The following AKAP19 variants were observed in gnomAD, a reference collection of about 807,000 sequenced individuals.
AKAP19 encodes small A-kinase anchoring protein.
chr2:190,189,512 TAATA>T, the AKAP19 span, among the ~76,000 whole-genome samples: 1 of 152,208 alleles, frequency 6.6e-6, no homozygotes, highest in African/African-American at 2.4e-5. Context: ...TTTCTATCCT[TAATA>T]GATACGGCTA....
the AKAP19 span, among the ~76,000 whole-genome samples, chr2:190,037,951 A>G: frequency 6.6e-6 from 1 of 152,182 alleles, no homozygotes; most frequent in African/African-American, 2.4e-5. Flanking sequence ...ACCCATATGA[A>G]GTATGTAAAG....
chr2:189,931,546 TGTGGTGA>T, the AKAP19 span, among the ~76,000 whole-genome samples: 1 of 152,076 alleles, frequency 6.6e-6, no homozygotes, highest in African/African-American at 2.4e-5. Context: ...TTTTTTTGTG[TGTGGTGA>T]CAGGGTCTCG....
the AKAP19 span, among the ~76,000 whole-genome samples, chr2:190,017,305 C>A: frequency 2.0e-5 from 3 of 152,042 alleles, no homozygotes; most frequent in African/African-American, 7.2e-5. Context: ...TGGCATACTA[C>A]TGCTATTTTG....
chr2:190,111,690 G>C, the AKAP19 span, among the ~76,000 whole-genome samples: 1 of 151,610 alleles, frequency 6.6e-6, no homozygotes, highest in Admixed American at 6.6e-5. Context: ...GAGAAAGAAA[G>C]AGAGAGATGT....
the AKAP19 span, among the ~76,000 whole-genome samples, chr2:190,025,080 A>G: frequency 6.6e-6 from 1 of 152,188 alleles, no homozygotes; most frequent in East Asian, 1.9e-4. Flanking sequence ...CACATTGATC[A>G]CTAAGATTTA....
chr2:190,146,804 A>G, the AKAP19 span, among the ~76,000 whole-genome samples: 1 of 152,124 alleles, frequency 6.6e-6, no homozygotes, highest in African/African-American at 2.4e-5. Context: ...TCTTCTTTTG[A>G]GAATTGTCTT....
At chr2:190,140,830 T>C in the AKAP19 span, among the ~76,000 whole-genome samples, 1 of 152,204 alleles carries the variant, frequency 6.6e-6, no homozygotes, top group African/African-American at 2.4e-5. Flanking sequence ...CGGGCTTAAA[T>C]TTCTGCCCAG....
the AKAP19 span, among the ~76,000 whole-genome samples, chr2:190,058,518 T>C: frequency 2.0e-5 from 3 of 151,944 alleles, no homozygotes; most frequent in African/African-American, 7.2e-5. Context: ...AACTAGATCA[T>C]TTAGAAAATT....
chr2:190,031,214 T>C, the AKAP19 span, among the ~76,000 whole-genome samples: 1 of 152,184 alleles, frequency 6.6e-6, no homozygotes, highest in Non-Finnish European at 1.5e-5. Flanking sequence ...TTTTGAATAC[T>C]GTAGTGGAAT....
the AKAP19 span, among the ~76,000 whole-genome samples, chr2:190,137,116 C>G: frequency 6.6e-6 from 1 of 152,176 alleles, no homozygotes. Flanking sequence ...ATTATGTCAT[C>G]CATATCATCA....
chr2:189,950,489 AT>A, the AKAP19 span, among the ~76,000 whole-genome samples: 11 of 152,120 alleles, frequency 7.2e-5, no homozygotes, highest in South Asian at 8.3e-4. Context: ...GACCAGGCTT[AT>A]CTTAGTCTTT....
chr2:190,178,054 T>C, the AKAP19 span, among the ~76,000 whole-genome samples: 1 of 152,144 alleles, frequency 6.6e-6, no homozygotes, highest in Non-Finnish European at 1.5e-5. This position sits in a 1 kb window ranked among gnomAD's most constrained non-coding sequence, Gnocchi z 6.3. Context: ...TAAAAAGTTA[T>C]CTCAGCACTT....
At chr2:190,029,129 C>T in the AKAP19 span, among the ~76,000 whole-genome samples, 1 of 151,556 alleles carries the variant, frequency 6.6e-6, no homozygotes, top group African/African-American at 2.4e-5. Context: ...CTTGGCTCAC[C>T]GCAACTTCCA....
chr2:190,109,910 C>T, the AKAP19 span, among the ~76,000 whole-genome samples: 2 of 152,152 alleles, frequency 1.3e-5, no homozygotes, highest in Admixed American at 1.3e-4. Flanking sequence ...TATGATTGGC[C>T]TAGGGCAGTA....
the AKAP19 span, chr2:189,930,743 C>T: frequency 1.5e-6 from 1 of 681,522 alleles, no homozygotes; most frequent in Non-Finnish European, 2.7e-6. Context: ...ATCACACACT[C>T]CCAGATCTGT....
the AKAP19 span, among the ~76,000 whole-genome samples, chr2:189,902,222 A>C: frequency 6.6e-6 from 1 of 152,004 alleles, no homozygotes. Context: ...TCCACAAGGT[A>C]TGTAGCTATC....
chr2:189,917,253 T>C, the AKAP19 span: 8 of 1,253,278 alleles, frequency 6.4e-6, no homozygotes, highest in South Asian at 1.1e-4. Context: ...TTACAAACAC[T>C]GTCTTCGCTG....
At chr2:190,171,777 G>T in the AKAP19 span, among the ~76,000 whole-genome samples, 5 of 152,212 alleles carry the variant, frequency 3.3e-5, no homozygotes, top group African/African-American at 1.2e-4. Context: ...AAGTTTATGG[G>T]GGGAAAATAA....
the AKAP19 span, among the ~76,000 whole-genome samples, chr2:190,130,492 A>G: frequency 6.6e-6 from 1 of 152,192 alleles, no homozygotes; most frequent in South Asian, 2.1e-4. Context: ...AATGCAAAAA[A>G]ATTTTAAAAA....
Sources: gnomAD v4.1 joint callset for allele counts (sites outside exome capture counted in the v4.1 genomes callset) on GRCh38, gnomAD v4.1.1 for gene constraint, Gnocchi (gnomAD v3.1) non-coding constraint, MANE v1.5 for transcripts, NCBI Gene and HGNC (gene_info 2026-07-23, HGNC 2026-07-21) for gene names.